The following ZNF813 variants were observed in gnomAD, a reference collection of about 807,000 sequenced individuals.
The protein encoded by ZNF813 is zinc finger protein 813.
Under a neutral mutation model 7.2 loss-of-function variants are expected in ZNF813, and 3 were observed. That is an observed-to-expected ratio of 0.42 (90% CI 0.19 to 1.08). The LOEUF is 1.08. ZNF813 is among the 50% of genes least tolerant of loss of function. The pLI is 0.30. For synonymous variants in ZNF813, 227 were observed against 256.3 expected, an observed-to-expected ratio of 0.89 and a Z score of 1.09; for missense variants, 714 against 753.3, an observed-to-expected ratio of 0.95 and a Z score of 0.61.
intron 1 of ZNF813, among the ~76,000 whole-genome samples, chr19:53,482,347 C>T (rs1334605515): frequency 4.6e-5 from 7 of 152,198 alleles, no homozygotes; most frequent in Non-Finnish European, 7.4e-5. Context: ...ACCAGCTTCC[C>T]GTGTTCCCCA....
intron 1 of ZNF813, among the ~76,000 whole-genome samples, chr19:53,476,643 A>T (rs1265335024): frequency 6.8e-6 from 1 of 146,144 alleles, no homozygotes; most frequent in Non-Finnish European, 1.5e-5. Context: ...AAAAAAAAAA[A>T]GATTGTGGGA....
chr19:53,481,589 T>C (rs1352784115), intron 1 of ZNF813, among the ~76,000 whole-genome samples: 1 of 152,036 alleles, frequency 6.6e-6, no homozygotes, highest in Non-Finnish European at 1.5e-5. Flanking sequence ...CCTCAGGTGA[T>C]CTACCCACCT....
rs2086482365 is a variant in ZNF813, at chr19:53,495,338, GTC to G, written c.*3256_*3257del. ...CCTCCCGGGTTCAAGTGATTCTCCT[GTC>G]TCTGCCTCCTTAGTAGCTGGGACTA... is the stretch of plus-strand genomic sequence containing the variant. On this transcript the variant is annotated 3_prime_UTR_variant, in exon 4 of 4. Transcript: ENST00000396403. 6.6e-6 allele frequency: 1 copy of G among 152,004 alleles called. No individual in the cohort carries two copies. The highest frequency in any genetic ancestry group is 1.5e-5 in the Non-Finnish European group (1 of 68,056). 9.4% of individuals were successfully genotyped at this position (152,004 alleles called of 1,614,324 possible).
chr19:53,475,761 C>T (rs990583164), intron 1 of ZNF813, among the ~76,000 whole-genome samples: 9 of 152,240 alleles, frequency 5.9e-5, no homozygotes, highest in African/African-American at 1.9e-4. Flanking sequence ...AAATGTGCCA[C>T]TGGGCGATGC....
intron 2 of ZNF813, among the ~76,000 whole-genome samples, chr19:53,485,566 A>G (rs1405541551): frequency 8.7e-6 from 1 of 114,814 alleles, no homozygotes; most frequent in African/African-American, 3.1e-5. Context: ...GTCATGACAT[A>G]TATACATGTA....
chr19:53,493,392 G>A lies in ZNF813; in HGVS notation c.*1306G>A, dbSNP rs1272339575. On this transcript the variant is annotated 3_prime_UTR_variant, in exon 4 of 4. Coordinates refer to ENST00000396403, the MANE Select transcript of ZNF813 (RefSeq NM_001004301.4). The stretch of plus-strand genomic sequence containing the variant: ...TTTTTAATCATATTGATGTATATTT[G>A]TAGATTTCAAGGTACAAACTTCTCA... The A allele has an allele frequency of 1.3e-5, 2 of 152,524 alleles. No individual in the cohort carries two copies. Among genetic ancestry groups the A allele is most frequent in the African/African-American group, 2.4e-5 (1 of 41,304 alleles). 9.4% of individuals were successfully genotyped at this position (152,524 alleles called of 1,614,324 possible).
intron 1 of ZNF813, among the ~76,000 whole-genome samples, chr19:53,468,450 G>GCTAGC (rs2086339372): frequency 6.6e-6 from 1 of 152,192 alleles, no homozygotes. Context: ...GGGCCCAGGG[G>GCTAGC]ACCGGCGCTC....
chr19:53,491,233 A>G lies in ZNF813; in HGVS notation c.1001A>G (p.Lys334Arg). The G allele has an allele frequency of 6.2e-7, 1 of 1,613,964 alleles. No individual in the cohort carries two copies. The highest frequency in any genetic ancestry group is 8.5e-7 in the Non-Finnish European group (1 of 1,179,804). Residue 334 changes from lysine (K) to arginine (R), a missense_variant, in exon 4 of 4, where the codon AAG becomes AGG. Around this residue, in one of 3 missense-constraint regions of ZNF813, gnomAD observed 563 missense variants for 554.2 expected, o/e 1.02. Coordinates refer to ENST00000396403, the MANE Select transcript of ZNF813 (RefSeq NM_001004301.4). ...EKPYKCNECG[K>R]TFSQTSSLTC... ...CCATACAAGTGTAATGAATGTGGCA[A>G]GACCTTTAGTCAGACGTCATCCCTT... is the stretch of plus-strand genomic sequence containing the variant.
intron 1 of ZNF813, among the ~76,000 whole-genome samples, chr19:53,469,380 C>T (rs1873454759): frequency 6.6e-6 from 1 of 152,082 alleles, no homozygotes; most frequent in South Asian, 2.1e-4. Context: ...TGAAAATGCG[C>T]TCCCCTGGTA....
Position 53,489,722 on chromosome 19 carries a change from TAA to T in ZNF813, c.143-652_143-651del, listed in dbSNP as rs2086450193. ...ATTGTATTAACTTTTATTTTGAGAT[TAA>T]GTCTCACTTTGTTACCCAGGCTGAA... On this transcript the variant is annotated intron_variant, in intron 3 of 3. Transcript: ENST00000396403. 3.9e-5 allele frequency among the ~76,000 whole-genome samples: 6 copies of T among 152,210 alleles called. No homozygotes were observed. In the South Asian group the frequency reaches 1.2e-3, roughly 31 times the overall value.
intron 1 of ZNF813, among the ~76,000 whole-genome samples, chr19:53,478,662 C>A (rs568928880): frequency 6.6e-6 from 1 of 152,184 alleles, no homozygotes; most frequent in Admixed American, 6.5e-5. Context: ...CCTGTAGTCA[C>A]AGTTACTGGG....
chr19:53,486,536 A>G lies in ZNF813; in HGVS notation c.16-96A>G, dbSNP rs577521537. The stretch of plus-strand genomic sequence containing the variant: ...CGGATTTGTCAGAACATTCACTGCA[A>G]TTAAATCCATGCTTTCCCCTCTCTC... On this transcript the variant is annotated intron_variant, in intron 2 of 3. Transcript: ENST00000396403. The G allele has an allele frequency of 3.9e-5, 62 of 1,605,526 alleles. No homozygotes were observed. In the South Asian group the frequency reaches 5.9e-4, roughly 15 times the overall value.
At chr19:53,481,653 A>C (rs1230608284) in intron 1 of ZNF813, among the ~76,000 whole-genome samples, 6 of 152,022 alleles carry the variant, frequency 3.9e-5, no homozygotes, top group Non-Finnish European at 7.4e-5. Context: ...CTGGCCACCC[A>C]TGTATTCTTG....
chr19:53,488,501 T>C (rs1600114406), intron 3 of ZNF813, among the ~76,000 whole-genome samples: 2 of 151,648 alleles, frequency 1.3e-5, no homozygotes, highest in African/African-American at 4.8e-5. Flanking sequence ...CTCTGCTTAC[T>C]GGGTTCAAGT....
chr19:53,471,803 C>T (rs1181408823), intron 1 of ZNF813, among the ~76,000 whole-genome samples: 1 of 63,138 alleles, frequency 1.6e-5, no homozygotes, highest in Non-Finnish European at 3.0e-5. Flanking sequence ...CAGAGTGAGA[C>T]TGTCTCAAAA....
At position 53,486,023 on chromosome 19, in the gene ZNF813, C is replaced by T. The variant is rs189747224; in HGVS notation, c.16-609C>T. Reference sequence around the variant, plus strand: ...AAGCAATTCTGCTGCATCAGCCTCCCGGGTAGCTGGGATAACAGGCGTGTG... The same window carrying T: ...AAGCAATTCTGCTGCATCAGCCTCCTGGGTAGCTGGGATAACAGGCGTGTG... On this transcript the variant is annotated intron_variant, in intron 2 of 3. Transcript: ENST00000396403. Among the ~76,000 whole-genome samples, 11 of 152,228 alleles carry T rather than the reference C, an allele frequency of 7.2e-5. 1 individual carries two copies. Among genetic ancestry groups the T allele is most frequent in the South Asian group, 4.1e-4 (2 of 4,828 alleles).
At chr19:53,473,118 G>A (rs2086367333) in intron 1 of ZNF813, among the ~76,000 whole-genome samples, 1 of 152,194 alleles carries the variant, frequency 6.6e-6, no homozygotes, top group South Asian at 2.1e-4. Context: ...GGACAGAAGA[G>A]GGCCTTGCCT....
At chr19:53,473,947 A>G (rs1203841637) in intron 1 of ZNF813, among the ~76,000 whole-genome samples, 2 of 152,202 alleles carry the variant, frequency 1.3e-5, no homozygotes, top group African/African-American at 4.8e-5. Context: ...TTTCTTCAGT[A>G]GCTGCTTAAC....
intron 3 of ZNF813, among the ~76,000 whole-genome samples, chr19:53,488,552 G>C (rs2086444518): frequency 6.6e-6 from 1 of 151,398 alleles, no homozygotes; most frequent in Non-Finnish European, 1.5e-5. Flanking sequence ...GGGACTACAG[G>C]CACATGTCAC....
Sources: gnomAD v4.1 joint callset for allele counts (sites outside exome capture counted in the v4.1 genomes callset) on GRCh38, gnomAD v4.1.1 for gene constraint, gnomAD v4.1.1 regional missense constraint, MANE v1.5 for transcripts, NCBI Gene and HGNC (gene_info 2026-07-23, HGNC 2026-07-21) for gene names.